Variants in RFFL observed in about 807,000 individuals in gnomAD.
The protein encoded by RFFL is ring finger and FYVE like domain containing E3 ubiquitin protein ligase.
Under a neutral mutation model 40.4 loss-of-function variants are expected in RFFL, and 16 were observed. The observed-to-expected ratio is 0.40, with a 90% CI of 0.27 to 0.60. The LOEUF (loss-of-function observed/expected upper bound fraction) is 0.60, where lower values mean the gene tolerates loss of function less well. Ranked by LOEUF, RFFL falls within the 20% of genes least tolerant of loss-of-function variation. The probability of loss-of-function intolerance (pLI) is 0.47; values close to 1 mark genes in which losing one functional copy is unlikely to be tolerated. For synonymous variants in RFFL, 154 were observed against 167.9 expected, an observed-to-expected ratio of 0.92 and a Z score of 0.64; for missense variants, 367 against 451.7, an observed-to-expected ratio of 0.81 and a Z score of 1.70.
intron 1 of RFFL, among the ~76,000 whole-genome samples, chr17:35,055,687 AACAAACAAAC>A: frequency 6.9e-6 from 1 of 145,238 alleles, no homozygotes; most frequent in African/African-American, 2.8e-5. Flanking sequence ...AAAACAAACA[AACAAACAAAC>A]AAAAAAAAAA....
chr17:35,089,225 C>T (rs1203823777), exon 1 of RFFL: 3 of 151,978 alleles, frequency 2.0e-5, no homozygotes, highest in Non-Finnish European at 2.9e-5. Context: ...GTCTCTGGGG[C>T]TGAGGGGCAC....
At chr17:35,039,089 T>C (rs2091145385) in intron 1 of RFFL, among the ~76,000 whole-genome samples, 1 of 152,068 alleles carries the variant, frequency 6.6e-6, no homozygotes, top group Admixed American at 6.6e-5. Flanking sequence ...TATTTTTTTG[T>C]CTAGATGGGG....
chr17:35,027,075 T>C (rs1888408848), intron 1 of RFFL, among the ~76,000 whole-genome samples: 1 of 152,192 alleles, frequency 6.6e-6, no homozygotes, highest in South Asian at 2.1e-4. Flanking sequence ...ATAGCCAATA[T>C]ATAGAGAGCT....
At chr17:35,085,011 A>C (rs768220563) in intron 1 of RFFL, among the ~76,000 whole-genome samples, 3 of 152,200 alleles carry the variant, frequency 2.0e-5, no homozygotes, top group Non-Finnish European at 4.4e-5. Context: ...TAAATTATAA[A>C]ATTGAAAAAA....
Position 35,019,565 on chromosome 17 carries a change from GT to G in RFFL, c.591+1805del, listed in dbSNP as rs1408778310. On this transcript the variant is annotated intron_variant, in intron 3 of 6. Coordinates refer to ENST00000394597, the MANE Select transcript of RFFL (RefSeq NM_001017368.2). ...ATTTTTGTATTTTTTGTAGAGACAG[GT>G]TTTTGCCATGTTGCCAGGCTAGTCT... Among the ~76,000 whole-genome samples the G allele has an allele frequency of 2.0e-5, 3 of 151,692 alleles. No homozygotes were observed. In the East Asian group the frequency reaches 5.8e-4, roughly 29 times the overall value.
intron 1 of RFFL, among the ~76,000 whole-genome samples, chr17:35,085,726 CCAAGA>C (rs1482324958): frequency 6.6e-6 from 1 of 152,186 alleles, no homozygotes; most frequent in Non-Finnish European, 1.5e-5. Context: ...CTGCGCCCAG[CCAAGA>C]TGCAGATTTT....
At chr17:35,047,480 T>C (rs1445749773) in intron 1 of RFFL, among the ~76,000 whole-genome samples, 1 of 152,226 alleles carries the variant, frequency 6.6e-6, no homozygotes, top group African/African-American at 2.4e-5. Context: ...TAATGGATGT[T>C]CAACAGAAAT....
At chr17:35,087,307 C>T (rs948053415) in intron 1 of RFFL, among the ~76,000 whole-genome samples, 2 of 151,578 alleles carry the variant, frequency 1.3e-5, no homozygotes, top group African/African-American at 2.4e-5. Context: ...GCCATGATTA[C>T]GCCACTGCAC....
chr17:35,040,679 C>T (rs2091158313), intron 1 of RFFL, among the ~76,000 whole-genome samples: 1 of 125,556 alleles, frequency 8.0e-6, no homozygotes, highest in South Asian at 2.8e-4. Context: ...CCTTCATCTC[C>T]CCTGCTCCTG....
chr17:35,072,747 TAA>T (rs35164231), intron 1 of RFFL, among the ~76,000 whole-genome samples: 2 of 142,902 alleles, frequency 1.4e-5, no homozygotes, highest in African/African-American at 5.0e-5. Flanking sequence ...AAATAAAGTA[TAA>T]AAAAAAAAAA....
At position 35,026,447 on chromosome 17, in the gene RFFL, G is replaced by A; in HGVS notation, c.107C>T (p.Ser36Phe). The change falls in exon 2 of 7, where the codon TCC (serine) becomes TTC (phenylalanine). Residue 36 changes from serine (S) to phenylalanine (F), a missense_variant. Physicochemically the swap from Ser to Phe is radical, Grantham distance 155. Coordinates refer to ENST00000394597, the MANE Select transcript of RFFL (RefSeq NM_001017368.2). ...MQAYSNPGYS[S>F]FPSPTGLEPS... ...TTCCAAGCCTGTTGGGGAAGGGAAG[G>A]AGCTGTACCCAGGGTTGGAATAGGC... 1 of 1,613,998 alleles carries A rather than the reference G, an allele frequency of 6.2e-7. No individual in the cohort carries two copies. Among genetic ancestry groups the A allele is most frequent in the Non-Finnish European group, 8.5e-7 (1 of 1,179,938 alleles).
chr17:35,040,344 G>A (rs1489768562), intron 1 of RFFL, among the ~76,000 whole-genome samples: 1 of 150,344 alleles, frequency 6.7e-6, no homozygotes, highest in African/African-American at 2.4e-5. Flanking sequence ...GCTCACACCT[G>A]TAATCCCAGC....
chr17:35,048,218 C>A (rs1459878352), intron 1 of RFFL, among the ~76,000 whole-genome samples: 1 of 151,316 alleles, frequency 6.6e-6, no homozygotes, highest in East Asian at 2.0e-4. Context: ...CTGGCTAACA[C>A]GGTGAAACCC....
rs1205632614 is a variant in RFFL at position 35,051,163 on chromosome 17, T to C, written c.-9+12413A>G. On this transcript the variant is annotated intron_variant, in intron 1 of 6. Transcript: ENST00000394597. ...CAGTATAAACTAGGATAAACAACCA[T>C]GCCCAGGAAGAAAGAATGGTCCCTA... 3.0e-4 allele frequency among the ~76,000 whole-genome samples: 46 copies of C among 152,140 alleles called. 1 individual carries two copies. The highest frequency in any genetic ancestry group is 2.1e-4 in the South Asian group (1 of 4,836).
At position 35,016,587 on chromosome 17, in the gene RFFL, T is replaced by A; in HGVS notation, c.676-7A>T. The A allele has an allele frequency of 1.2e-6, 2 of 1,610,910 alleles. No individual in the cohort carries two copies. Among genetic ancestry groups the A allele is most frequent in the Non-Finnish European group, 1.7e-6 (2 of 1,177,176 alleles). On this transcript the variant is annotated splice_region_variant and splice_polypyrimidine_tract_variant and intron_variant, in intron 4 of 6. Transcript: ENST00000394597. ...TGTCCTCTGAGTCAATAGACTGCAA[T>A]GACAAAGATGAGATCAGTGTGCTCA...
rs761030453 is a variant in RFFL at position 35,056,130 on chromosome 17, T to C, written c.-9+7446A>G. Among the ~76,000 whole-genome samples, 5 of 152,194 alleles carry C rather than the reference T, an allele frequency of 3.3e-5. No individual in the cohort carries two copies. In the South Asian group the frequency reaches 6.2e-4, roughly 19 times the overall value. On this transcript the variant is annotated intron_variant, in intron 1 of 6. Coordinates refer to ENST00000394597, the MANE Select transcript of RFFL (RefSeq NM_001017368.2). ...AAACCCCGCCCCCAGGTCTTGGGTATTGACTTGCCACACATCAGACAGCAC... is the reference window on the plus strand; with the variant it reads ...AAACCCCGCCCCCAGGTCTTGGGTACTGACTTGCCACACATCAGACAGCAC...
intron 2 of RFFL, among the ~76,000 whole-genome samples, chr17:35,026,083 C>G (rs2091038827): frequency 6.6e-6 from 1 of 152,208 alleles, no homozygotes; most frequent in Admixed American, 6.5e-5. Context: ...CTACAATCAT[C>G]CCCATTTTAT....
chr17:35,012,458 T>C lies in RFFL; in HGVS notation c.911-309A>G, dbSNP rs530331433. On this transcript the variant is annotated intron_variant, in intron 6 of 6. Transcript: ENST00000394597. ...CAAAGTTCTCAAAGCTTAAAAGAAA[T>C]AATTTTCAGACTGTTGGGGCTGTAA... 6.6e-5 allele frequency among the ~76,000 whole-genome samples: 10 copies of C among 152,256 alleles called. No individual in the cohort carries two copies. In the South Asian group the frequency reaches 1.0e-3, roughly 16 times the overall value.
rs189687840 is a variant in RFFL, at chr17:35,039,306, G to A, written c.-8-12745C>T. On this transcript the variant is annotated intron_variant, in intron 1 of 6. Transcript: ENST00000394597. ...GCAACCTCGGCTCACTGCAACCTCC[G>A]CCTGCTGGGTTCAAGCGATTCTCAC... is the stretch of plus-strand genomic sequence containing the variant. 1.9e-3 allele frequency among the ~76,000 whole-genome samples: 284 copies of A among 152,156 alleles called. 2 individuals carry two copies. The highest frequency in any genetic ancestry group is 6.6e-3 in the African/African-American group (274 of 41,512).
Sources: gnomAD v4.1 joint callset for allele counts (sites outside exome capture counted in the v4.1 genomes callset) on GRCh38, gnomAD v4.1.1 for gene constraint, MANE v1.5 for transcripts, NCBI Gene and HGNC (gene_info 2026-07-23, HGNC 2026-07-21) for gene names.